The following GLT8D2 variants were observed in gnomAD, a reference collection of about 807,000 sequenced individuals.
GLT8D2 encodes the protein glycosyltransferase 8 domain-containing protein 2.
GLT8D2 carries 45 observed loss-of-function variants against 44.5 expected under a neutral mutation model. That is an observed-to-expected ratio of 1.01 (90% confidence interval 0.80 to 1.30). The LOEUF is 1.30. GLT8D2 is among the 50% of genes most tolerant of loss of function. GLT8D2 has a pLI of 0.00. For missense variants in GLT8D2, 400 were observed against 430.4 expected (o/e 0.93, Z 0.62); for synonymous variants, 156 against 157.2 (o/e 0.99, Z 0.06).
chr12:104,026,350 A>T (rs1023173293), intron 1 of GLT8D2, among the ~76,000 whole-genome samples: 1 of 151,984 alleles, frequency 6.6e-6, no homozygotes, highest in Non-Finnish European at 1.5e-5. Flanking sequence ...AAAAGGGTTG[A>T]TCTACCATGA....
At chr12:104,038,504 GACAA>G (rs1428959030) in intron 1 of GLT8D2, among the ~76,000 whole-genome samples, 3 of 152,032 alleles carry the variant, frequency 2.0e-5, no homozygotes, top group Admixed American at 6.5e-5. Context: ...ACCAATAACA[GACAA>G]ACAGAGAGCC....
intron 4 of GLT8D2, among the ~76,000 whole-genome samples, chr12:104,010,467 C>A (rs1201531244): frequency 6.6e-6 from 1 of 152,226 alleles, no homozygotes; most frequent in Non-Finnish European, 1.5e-5. Context: ...AATTAACACG[C>A]ACCTTCTCTA....
intron 5 of GLT8D2, among the ~76,000 whole-genome samples, chr12:104,001,637 C>T (rs1874230061): frequency 6.6e-6 from 1 of 152,066 alleles, no homozygotes; most frequent in African/African-American, 2.4e-5. Flanking sequence ...TTCAACAATG[C>T]AAAAATGTTT....
chr12:104,011,883 A>G (rs1875869652), intron 4 of GLT8D2, among the ~76,000 whole-genome samples: 1 of 152,014 alleles, frequency 6.6e-6, no homozygotes, highest in Non-Finnish European at 1.5e-5. Context: ...TAAAGAATAT[A>G]TACCTGGGCC....
intron 1 of GLT8D2, chr12:104,049,426 G>A (rs1283890522): frequency 6.6e-6 from 1 of 152,032 alleles, no homozygotes. Flanking sequence ...GCCTCACTTG[G>A]GTTTCCACAA....
At chr12:104,016,315 C>T (rs1448515453) in intron 3 of GLT8D2, among the ~76,000 whole-genome samples, 1 of 151,960 alleles carries the variant, frequency 6.6e-6, no homozygotes, top group Admixed American at 6.6e-5. Flanking sequence ...GACACAGCTG[C>T]TTTTCAGTTA....
rs1009019645 is a variant in GLT8D2, at chr12:104,021,350, CACTT to C, written c.-29+3_-29+6del. 6.6e-6 allele frequency: 1 copy of C among 152,350 alleles called. No individual in the cohort carries two copies. The highest frequency in any genetic ancestry group is 2.4e-5 in the African/African-American group (1 of 41,450). 9.4% of individuals were successfully genotyped at this position (152,350 alleles called of 1,614,324 possible). On this transcript the variant is annotated splice_donor_5th_base_variant and intron_variant, in intron 2 of 10. Transcript: ENST00000360814. The stretch of plus-strand genomic sequence containing the variant: ...TTAGAGGAAAAGGAAAAGTCCAAGT[CACTT>C]ACCCTGGAGAACTTCCTTTCCTATG...
At chr12:104,014,723 G>A (rs888770317) in intron 4 of GLT8D2, among the ~76,000 whole-genome samples, 1 of 152,202 alleles carries the variant, frequency 6.6e-6, no homozygotes, top group Non-Finnish European at 1.5e-5. Context: ...GGAAATGCAA[G>A]TCTTGAGGCC....
chr12:103,997,401 A>G, intron 7 of GLT8D2, 50 bp downstream of exon 7: 1 of 1,270,808 alleles, frequency 7.9e-7, no homozygotes, highest in Non-Finnish European at 1.2e-6. Context: ...CAGTTATTCT[A>G]CTTATCAGCT....
At chr12:104,039,048 G>C (rs1485052140) in intron 1 of GLT8D2, among the ~76,000 whole-genome samples, 1 of 151,980 alleles carries the variant, frequency 6.6e-6, no homozygotes, top group Non-Finnish European at 1.5e-5. Flanking sequence ...ATAGGGAAAG[G>C]ATTCCCTATT....
In GLT8D2 at chr12:103,997,672, A is replaced by G. The variant is rs1873628920; in HGVS notation, c.403-137T>C. On this transcript the variant is annotated intron_variant, in intron 6 of 10. Coordinates refer to ENST00000360814, the MANE Select transcript of GLT8D2 (RefSeq NM_001384711.1). The stretch of plus-strand genomic sequence containing the variant: ...GAGCGGAATAAAACAGGAGCTAGCA[A>G]GATGTCTCATCTGAGCTTCCCAGTG... The G allele has an allele frequency of 6.3e-6, 4 of 639,322 alleles. No individual in the cohort carries two copies. In the African/African-American group the frequency reaches 7.3e-5, roughly 12 times the overall value. The allele number at this position is 639,322 out of a possible 1,614,324, so 39.6% of individuals were successfully genotyped here.
intron 6 of GLT8D2, 55 bp downstream of exon 6, chr12:103,999,342 C>A: frequency 2.1e-6 from 2 of 972,920 alleles, no homozygotes; most frequent in South Asian, 1.4e-5. Flanking sequence ...CACTCCTTTA[C>A]TGAACAAAGG....
At chr12:104,027,732 A>G (rs1029164349) in intron 1 of GLT8D2, among the ~76,000 whole-genome samples, 1 of 152,152 alleles carries the variant, frequency 6.6e-6, no homozygotes, top group Non-Finnish European at 1.5e-5. Flanking sequence ...CCATTTTTCA[A>G]ATGAGGACAT....
chr12:104,019,747 C>T lies in GLT8D2; in HGVS notation c.-28-71G>A, dbSNP rs1877384367. ...AAAACTCATCAACAAGTGTTAAGGACTATGCCTTCCCTGAAAGACTGATAT... is the reference window on the plus strand; with the variant it reads ...AAAACTCATCAACAAGTGTTAAGGATTATGCCTTCCCTGAAAGACTGATAT... On this transcript the variant is annotated intron_variant, in intron 2 of 10. Coordinates refer to ENST00000360814, the MANE Select transcript of GLT8D2 (RefSeq NM_001384711.1). 3.2e-6 allele frequency: 3 copies of T among 943,138 alleles called. No individual in the cohort carries two copies. The Admixed American group carries it at 7.3e-5, about 23-fold the overall frequency. The allele number at this position is 943,138 out of a possible 1,614,324, so 58.4% of individuals were successfully genotyped here.
chr12:103,991,882 G>T (rs981589642), intron 10 of GLT8D2, among the ~76,000 whole-genome samples: 3 of 148,772 alleles, frequency 2.0e-5, no homozygotes, highest in African/African-American at 7.4e-5. Flanking sequence ...GTTGTTGTGA[G>T]AATTAGAAAT....
intron 1 of GLT8D2, chr12:104,049,487 C>T (rs1881514509): frequency 6.6e-6 from 1 of 152,194 alleles, no homozygotes; most frequent in Non-Finnish European, 1.5e-5. Context: ...CTTCCTAAGG[C>T]AGATTCTGAA....
intron 4 of GLT8D2, among the ~76,000 whole-genome samples, chr12:104,012,220 C>T (rs1875962729): frequency 7.3e-6 from 1 of 137,534 alleles, no homozygotes; most frequent in African/African-American, 2.7e-5. Context: ...ATACCTTAAA[C>T]ACTTATTATT....
Position 103,996,786 on chromosome 12 carries a change from A to T in GLT8D2, c.549T>A (p.Asp183Glu). The change falls in exon 8 of 11, where the codon GAT becomes GAA. Residue 183 changes from aspartate to glutamate, a missense_variant. Asp to Glu is a conservative substitution (Grantham distance 45). Transcript: ENST00000360814. ...CCTGAGCAGAGGGCAAATCGCAGTC[A>T]TCTGAGAAAGCCGCCGCGTGGCCCA... ...LALGHAAAFS[D>E]DCDLPSAQDI... 1 of 1,614,202 alleles carries T rather than the reference A, an allele frequency of 6.2e-7. No individual in the cohort carries two copies. Among genetic ancestry groups the T allele is most frequent in the Non-Finnish European group, 8.5e-7 (1 of 1,180,002 alleles).
chr12:104,011,935 A>AC (rs536528603), intron 4 of GLT8D2, among the ~76,000 whole-genome samples: 2 of 151,976 alleles, frequency 1.3e-5, no homozygotes, highest in South Asian at 4.1e-4. Flanking sequence ...ACTTTGGGAC[A>AC]CTAAGGTGGG....
Sources: allele counts gnomAD v4.1 joint callset (sites outside exome capture counted in the v4.1 genomes callset), GRCh38; gene constraint gnomAD v4.1.1; transcripts MANE v1.5; gene names NCBI Gene and HGNC (gene_info 2026-07-23, HGNC 2026-07-21).